RANBP9: variants seen among roughly 807,000 people sequenced by gnomAD.
The protein encoded by RANBP9 is RAN binding protein 9.
Under a neutral mutation model 84.3 loss-of-function variants are expected in RANBP9, and 15 were observed. That is an observed-to-expected ratio of 0.18 (90% CI 0.12 to 0.27). The LOEUF is 0.27. Among genes scored for constraint, RANBP9 ranks in the 10% least tolerant of loss-of-function variants. The pLI is 1.00. For missense variants in RANBP9, 809 were observed against 912.8 expected, an observed-to-expected ratio of 0.89 and a Z score of 1.46; for synonymous variants, 392 against 349.6, an observed-to-expected ratio of 1.12 and a Z score of -1.35.
At chr6:13,676,047 G>A (rs889376332) in intron 2 of RANBP9, among the ~76,000 whole-genome samples, 7 of 151,914 alleles carry the variant, frequency 4.6e-5, no homozygotes, top group African/African-American at 4.8e-5. Flanking sequence ...TAACTAGATC[G>A]AATTGTAGTG....
chr6:13,664,896 G>C (rs1765614061), intron 2 of RANBP9, among the ~76,000 whole-genome samples: 1 of 152,132 alleles, frequency 6.6e-6, no homozygotes, highest in Admixed American at 6.6e-5. Flanking sequence ...AAACAGTATG[G>C]TACTGGCTTA....
Position 13,625,575 on chromosome 6 carries a change from G to T in RANBP9, c.2059+78C>A, listed in dbSNP as rs1035973760. On this transcript the variant is annotated intron_variant, in intron 13 of 13. Coordinates refer to ENST00000011619, the MANE Select transcript of RANBP9 (RefSeq NM_005493.3). ...ATTTTCCTGATGATTTTACCAAAGT[G>T]TAAATGCCAGTACAAACACCCTCTC... 2.5e-5 allele frequency: 23 copies of T among 925,958 alleles called. No individual in the cohort carries two copies. In the African/African-American group the frequency reaches 3.3e-4, roughly 13 times the overall value. 57.4% of individuals were successfully genotyped at this position (925,958 alleles called of 1,614,324 possible).
intron 10 of RANBP9, among the ~76,000 whole-genome samples, chr6:13,635,976 A>AG (rs1358890093): frequency 5.4e-4 from 82 of 152,210 alleles, no homozygotes; most frequent in Non-Finnish European, 1.0e-3. Flanking sequence ...TTAAGTTATT[A>AG]TATTACAGAG....
At chr6:13,625,881 T>G in intron 12 of RANBP9, 117 bp from the exon 13 acceptor site, 1 of 655,198 alleles carries the variant, frequency 1.5e-6, no homozygotes, top group South Asian at 1.8e-5. Context: ...AATGTAAACT[T>G]TAAACCCATT....
chr6:13,708,999 A>G (rs573471333), intron 1 of RANBP9, among the ~76,000 whole-genome samples: 1 of 152,272 alleles, frequency 6.6e-6, no homozygotes, highest in African/African-American at 2.4e-5. Flanking sequence ...ATTTATGTTT[A>G]TAAAACAGTT....
At chr6:13,679,068 T>C (rs2113324398) in intron 2 of RANBP9, among the ~76,000 whole-genome samples, 1 of 152,204 alleles carries the variant, frequency 6.6e-6, no homozygotes, top group Admixed American at 6.5e-5. Context: ...AAAAAAAAAT[T>C]TGTTCCAATT....
intron 2 of RANBP9, among the ~76,000 whole-genome samples, chr6:13,681,770 G>A (rs540438540): frequency 2.0e-5 from 3 of 152,108 alleles, no homozygotes; most frequent in Admixed American, 2.0e-4. Flanking sequence ...TTTTCAAAAG[G>A]AAATAACAAA....
In RANBP9 at chr6:13,652,755, C is replaced by T. The variant is rs539228289; in HGVS notation, c.905-74G>A. 6.2e-6 allele frequency: 8 copies of T among 1,296,516 alleles called. No individual in the cohort carries two copies. The African/African-American group carries it at 1.1e-4, about 17-fold the overall frequency. 80.3% of individuals were successfully genotyped at this position (1,296,516 alleles called of 1,614,324 possible). On this transcript the variant is annotated intron_variant, in intron 4 of 13. Coordinates refer to ENST00000011619, the MANE Select transcript of RANBP9 (RefSeq NM_005493.3). ...CTATACTGACAAGCTGAATTTCTAACTAAAAGGAGGAAACAAATGGCAAAA... is the reference window on the plus strand; with the variant it reads ...CTATACTGACAAGCTGAATTTCTAATTAAAAGGAGGAAACAAATGGCAAAA...
intron 2 of RANBP9, among the ~76,000 whole-genome samples, chr6:13,695,905 G>A (rs746510813): frequency 1.3e-5 from 2 of 152,126 alleles, no homozygotes; most frequent in African/African-American, 2.4e-5. Flanking sequence ...GGTTTGATTT[G>A]AGGTCCATCT....
chr6:13,711,209 G>A lies in RANBP9; in HGVS notation c.297C>T (p.Ala99=), dbSNP rs551414597. The change falls in exon 1 of 14, where the codon GCC becomes GCT. Residue 99 remains alanine (A), a synonymous_variant. Coordinates refer to ENST00000011619, the MANE Select transcript of RANBP9 (RefSeq NM_005493.3). ...PPPPASAAAP[A]SGPPAPPGLA... ...GGCCCGGGGGAGCGGGCGGCCCGCTGGCGGGGGCAGCCGCTGAGGCAGGGG... is the reference window on the plus strand; with the variant it reads ...GGCCCGGGGGAGCGGGCGGCCCGCTAGCGGGGGCAGCCGCTGAGGCAGGGG... 581 of 1,195,236 alleles carry A rather than the reference G, an allele frequency of 4.9e-4. 9 individuals carry two copies. The South Asian group carries it at 0.016, about 32-fold the overall frequency. 74.0% of individuals were successfully genotyped at this position (1,195,236 alleles called of 1,614,324 possible).
chr6:13,656,296 A>T (rs572980614), intron 4 of RANBP9, among the ~76,000 whole-genome samples: 87 of 152,134 alleles, frequency 5.7e-4, no homozygotes, highest in Non-Finnish European at 1.2e-3. Flanking sequence ...ACCTCATTAA[A>T]AATAATTTGC....
At chr6:13,659,654 G>C (rs530795595) in intron 2 of RANBP9, among the ~76,000 whole-genome samples, 2 of 152,132 alleles carry the variant, frequency 1.3e-5, no homozygotes, top group East Asian at 3.9e-4. Flanking sequence ...TTGTTAAAAG[G>C]CTAATTGCCC....
intron 6 of RANBP9, among the ~76,000 whole-genome samples, chr6:13,644,267 A>T (rs1360368256): frequency 6.6e-6 from 1 of 152,192 alleles, no homozygotes; most frequent in East Asian, 1.9e-4. Flanking sequence ...AGAATAGCAA[A>T]TGAATTAACC....
chr6:13,655,515 C>T (rs142717268), intron 4 of RANBP9, among the ~76,000 whole-genome samples: 361 of 152,158 alleles, frequency 2.4e-3, no homozygotes, highest in African/African-American at 8.0e-3. Flanking sequence ...TATAATGTGA[C>T]TCCATTATTA....
intron 6 of RANBP9, among the ~76,000 whole-genome samples, chr6:13,643,637 G>C (rs921646732): frequency 1.3e-5 from 2 of 152,084 alleles, no homozygotes; most frequent in Non-Finnish European, 2.9e-5. Flanking sequence ...CTGGTTATAA[G>C]GTTAAGATAA....
chr6:13,691,559 T>G (rs1485541412), intron 2 of RANBP9, among the ~76,000 whole-genome samples: 3 of 152,218 alleles, frequency 2.0e-5, no homozygotes, highest in Non-Finnish European at 1.5e-5. Flanking sequence ...ATCCAACTCT[T>G]GCCATTTCAT....
At chr6:13,649,989 A>G (rs1324405478) in intron 5 of RANBP9, among the ~76,000 whole-genome samples, 3 of 152,192 alleles carry the variant, frequency 2.0e-5, no homozygotes, top group Non-Finnish European at 2.9e-5. Context: ...TAAAAGAATC[A>G]TATTTTTGTT....
chr6:13,693,937 G>A (rs1259615319), intron 2 of RANBP9, among the ~76,000 whole-genome samples: 1 of 152,128 alleles, frequency 6.6e-6, no homozygotes, highest in Non-Finnish European at 1.5e-5. Context: ...CAGCTACTTG[G>A]GAGGCTGAGG....
chr6:13,635,350 CA>C (rs1182426059), intron 10 of RANBP9, among the ~76,000 whole-genome samples: 4 of 152,210 alleles, frequency 2.6e-5, no homozygotes, highest in African/African-American at 7.2e-5. Flanking sequence ...CTCTTATAAG[CA>C]ACAATAAATA....
Sources: allele counts gnomAD v4.1 joint callset (sites outside exome capture counted in the v4.1 genomes callset), GRCh38; gene constraint gnomAD v4.1.1; transcripts MANE v1.5; gene names NCBI Gene and HGNC (gene_info 2026-07-23, HGNC 2026-07-21).